THADA: variants seen among roughly 807,000 people sequenced by gnomAD.
The protein encoded by THADA is THADA armadillo repeat containing, also known as tRNA (32-2'-O)-methyltransferase regulator THADA.
THADA carries 213 observed loss-of-function variants against 219.8 expected under a neutral mutation model. The observed-to-expected ratio is 0.97, with a 90% CI of 0.87 to 1.09. The LOEUF (loss-of-function observed/expected upper bound fraction) is 1.09. Ranked by LOEUF, THADA falls within the 50% of genes least tolerant of loss-of-function variation. The pLI is 0.00. For missense variants in THADA, 2,956 were observed against 2,311.3 expected, an observed-to-expected ratio of 1.28 and a Z score of -5.72; for synonymous variants, 1,018 against 828.9, an observed-to-expected ratio of 1.23 and a Z score of -3.92.
At chr2:43,499,100 T>C (rs979063520) in intron 24 of THADA, 145 bp from the exon 25 acceptor site, 19 of 896,000 alleles carry the variant, frequency 2.1e-5, no homozygotes, top group Non-Finnish European at 2.8e-5. Context: ...GCAGATTTAA[T>C]AAAACACATC....
At position 43,231,018 on chromosome 2, in the gene THADA, A is replaced by G. The variant is rs747427140; in HGVS notation, c.5792T>C (p.Val1931Ala). 2 of 1,613,948 alleles carry G rather than the reference A, an allele frequency of 1.2e-6. No individual in the cohort carries two copies. The highest frequency in any genetic ancestry group is 2.2e-5 in the East Asian group (1 of 44,884). The change falls in exon 38 of 38, where the codon GTT (valine) becomes GCT (alanine). Residue 1931 changes from valine to alanine, a missense_variant. Physicochemically the swap from Val to Ala is moderately conservative, Grantham distance 64. Coordinates refer to ENST00000405975, the MANE Select transcript of THADA (RefSeq NM_022065.5). ...TGCATAAGAGTCCCAAACACTGAGA[A>G]CTAGGGTGTCTTCCCCTTCCTTTCC... Reference protein sequence around the residue: ...LEGKEGEDTLVLSVWDSYAES... With the variant: ...LEGKEGEDTLALSVWDSYAES...
chr2:43,580,575 C>T (rs1296443667), intron 8 of THADA, among the ~76,000 whole-genome samples: 1 of 151,852 alleles, frequency 6.6e-6, no homozygotes, highest in Non-Finnish European at 1.5e-5. Flanking sequence ...CTTTCATTAC[C>T]AGGGTTAAAA....
At chr2:43,572,373 CT>C (rs1475482932) in intron 12 of THADA, among the ~76,000 whole-genome samples, 1 of 152,210 alleles carries the variant, frequency 6.6e-6, no homozygotes, top group Non-Finnish European at 1.5e-5. Flanking sequence ...CACTCCACCC[CT>C]GATAAGCAAT....
intron 29 of THADA, among the ~76,000 whole-genome samples, chr2:43,357,761 G>A (rs1390188677): frequency 1.3e-5 from 2 of 152,188 alleles, no homozygotes; most frequent in Non-Finnish European, 2.9e-5. Flanking sequence ...ATACTGTAAA[G>A]TGAAAAAGGA....
intron 31 of THADA, among the ~76,000 whole-genome samples, chr2:43,310,230 C>CG (rs35389645): frequency 1.6e-5 from 2 of 122,592 alleles, no homozygotes; most frequent in Non-Finnish European, 3.4e-5. Context: ...TTTCCCGCCC[C>CG]CCCCCCAAAC....
In THADA at chr2:43,442,369, G is replaced by A. The variant is rs558217296; in HGVS notation, c.3837-12067C>T. ...GAGAATCGCTTGAACCCAGGAGGCG[G>A]AGGTTGCAGTGAGCCAAGATCACAC... is the stretch of plus-strand genomic sequence containing the variant. On this transcript the variant is annotated intron_variant, in intron 26 of 37. Coordinates refer to ENST00000405975, the MANE Select transcript of THADA (RefSeq NM_022065.5). Among the ~76,000 whole-genome samples the A allele has an allele frequency of 1.1e-3, 162 of 152,180 alleles. 1 individual carries two copies. Among genetic ancestry groups the A allele is most frequent in the Non-Finnish European group, 1.9e-3 (126 of 68,034 alleles).
chr2:43,322,412 G>C (rs971782556), intron 30 of THADA, among the ~76,000 whole-genome samples: 1 of 151,758 alleles, frequency 6.6e-6, no homozygotes, highest in Non-Finnish European at 1.5e-5. Context: ...ACTGAGGCAG[G>C]AAAATCACTT....
intron 29 of THADA, among the ~76,000 whole-genome samples, chr2:43,346,640 T>C (rs1336832335): frequency 2.0e-5 from 3 of 152,240 alleles, no homozygotes; most frequent in Non-Finnish European, 2.9e-5. Context: ...TTCAGTGTCA[T>C]TTTATGTGTC....
intron 26 of THADA, among the ~76,000 whole-genome samples, chr2:43,438,171 G>A (rs141630462): frequency 0.01 from 1,538 of 151,854 alleles, 26 homozygotes; most frequent in African/African-American, 0.035. Context: ...GCAAGGTGGC[G>A]GGCGCCTGTA....
intron 29 of THADA, among the ~76,000 whole-genome samples, chr2:43,396,845 T>C (rs1674109287): frequency 6.6e-6 from 1 of 152,040 alleles, no homozygotes; most frequent in Non-Finnish European, 1.5e-5. Context: ...AAAAAGATAG[T>C]TCTATCTTGC....
chr2:43,463,835 A>T (rs1359565035), intron 26 of THADA, among the ~76,000 whole-genome samples: 1 of 152,220 alleles, frequency 6.6e-6, no homozygotes, highest in Non-Finnish European at 1.5e-5. Flanking sequence ...CAGGGAAGGA[A>T]AGAGCAGGAT....
At position 43,541,236 on chromosome 2, in the gene THADA, G is replaced by A. The variant is rs769365845; in HGVS notation, c.3187C>T (p.Leu1063Phe). ...CWRSMKEVAL[L>F]LGMLCQLLPM... ...AGAAGCTGGCACAACATGCCTAAAA[G>A]TAAAGCAACTTCCTTCATACTTCTC... Residue 1063 changes from leucine to phenylalanine, a missense_variant, in exon 21 of 38, where the codon CTT (leucine) becomes TTT (phenylalanine). Coordinates refer to ENST00000405975, the MANE Select transcript of THADA (RefSeq NM_022065.5). 5.0e-6 allele frequency: 8 copies of A among 1,611,944 alleles called. No homozygotes were observed. The South Asian group carries it at 6.6e-5, about 13-fold the overall frequency.
rs1697344476 is a variant in THADA, at chr2:43,556,362, T to C, written c.2657A>G (p.Glu886Gly). The C allele has an allele frequency of 6.2e-7, 1 of 1,613,744 alleles. No homozygotes were observed. The highest frequency in any genetic ancestry group is 8.5e-7 in the Non-Finnish European group (1 of 1,179,816). Residue 886 changes from glutamate to glycine, a missense_variant, in exon 17 of 38, where the codon GAA becomes GGA. Glu to Gly is a moderately conservative substitution (Grantham distance 98). Transcript: ENST00000405975. ...ATACAAACCCATTAATGTGTTCCTT[T>C]CCACCACAGCAGCAGGCCTATCTCC... ...DNGDRPAAVVERNTLMVIKCL... is the reference protein window; with the variant it reads ...DNGDRPAAVVGRNTLMVIKCL...
chr2:43,556,768 A>G (rs1697404705), intron 16 of THADA, among the ~76,000 whole-genome samples: 1 of 152,104 alleles, frequency 6.6e-6, no homozygotes, highest in Non-Finnish European at 1.5e-5. Flanking sequence ...CAAAAAAACA[A>G]CAACAAAAAA....
At chr2:43,514,502 ATATTT>A (rs1427122105) in intron 22 of THADA, among the ~76,000 whole-genome samples, 2 of 137,312 alleles carry the variant, frequency 1.5e-5, no homozygotes, top group Admixed American at 1.6e-4. Context: ...ATATATACGT[ATATTT>A]TATATATAAT....
Position 43,320,461 on chromosome 2 carries a change from T to G in THADA, c.4423A>C (p.Lys1475Gln). The G allele has an allele frequency of 6.2e-7, 1 of 1,612,948 alleles. No individual in the cohort carries two copies. Among genetic ancestry groups the G allele is most frequent in the Non-Finnish European group, 8.5e-7 (1 of 1,179,248 alleles). The change falls in exon 31 of 38, where the codon AAG becomes CAG. Residue 1475 changes from lysine (K) to glutamine (Q), a missense_variant. Physicochemically the swap from Lys to Gln is moderately conservative, Grantham distance 53. Transcript: ENST00000405975. ...LLTCCLNRSAKDNQPVLESLG... is the reference protein window; with the variant it reads ...LLTCCLNRSAQDNQPVLESLG... ...TGAATCATACCTGGCTGGTTGTCCT[T>G]TGCAGATCTGTTGAGGCAGCAAGTC...
chr2:43,588,843 T>C (rs994604431), intron 4 of THADA, among the ~76,000 whole-genome samples: 3 of 152,090 alleles, frequency 2.0e-5, no homozygotes, highest in African/African-American at 4.8e-5. Context: ...GAAATACACA[T>C]ATATAATTAT....
intron 22 of THADA, among the ~76,000 whole-genome samples, chr2:43,511,004 C>CA (rs1690354653): frequency 6.6e-6 from 1 of 150,414 alleles, no homozygotes; most frequent in Non-Finnish European, 1.5e-5. Flanking sequence ...AAAAAAAAAG[C>CA]AAAAATTTTT....
chr2:43,468,603 T>C (rs1684545337), intron 26 of THADA, among the ~76,000 whole-genome samples: 1 of 152,194 alleles, frequency 6.6e-6, no homozygotes, highest in African/African-American at 2.4e-5. Context: ...CTACCAAAGC[T>C]ACTCAATTAT....
Sources: gnomAD v4.1 joint callset for allele counts (sites outside exome capture counted in the v4.1 genomes callset) on GRCh38, gnomAD v4.1.1 for gene constraint, MANE v1.5 for transcripts, NCBI Gene and HGNC (gene_info 2026-07-23, HGNC 2026-07-21) for gene names.